Variants in SGK1 observed in about 807,000 individuals in gnomAD.
The protein encoded by SGK1 is serum/glucocorticoid regulated kinase 1, also known as serine/threonine-protein kinase Sgk1.
SGK1 carries 26 observed loss-of-function variants against 64.2 expected under a neutral mutation model. The ratio of observed to expected loss-of-function variants is 0.40; its 90% CI spans 0.30 to 0.56. The LOEUF (loss-of-function observed/expected upper bound fraction) is 0.56, where lower values mean the gene tolerates loss of function less well. SGK1 is among the 20% of genes least tolerant of loss of function. The pLI, the probability that SGK1 is intolerant of heterozygous loss-of-function variation, is 0.38. For missense variants in SGK1, 519 were observed against 645.6 expected (o/e 0.80, Z 2.12); for synonymous variants, 265 against 239.7 (o/e 1.11, Z -0.98).
At chr6:134,306,337 T>C (rs13213064) in intron 1 of SGK1, among the ~76,000 whole-genome samples, 48,817 of 151,512 alleles carry the variant, frequency 0.32, 8,047 homozygotes, top group East Asian at 0.55. Flanking sequence ...GCAGAAGAAT[T>C]GCTTGAACCC....
rs554885946 is a variant in SGK1, at chr6:134,175,641, C to T, written c.362-1055G>A. On this transcript the variant is annotated intron_variant, in intron 3 of 13. Coordinates refer to ENST00000367858, the MANE Select transcript of SGK1 (RefSeq NM_001143676.3). ...GGGACTCGAGCCGGGCTCTGGCCAG[C>T]GCGCCCTGCATCTCCCCCATGGGCA... 102 of 1,528,852 alleles carry T rather than the reference C, an allele frequency of 6.7e-5. 1 individual carries two copies. The South Asian group carries it at 1.1e-3, about 16-fold the overall frequency. The allele number at this position is 1,528,852 out of a possible 1,614,324, so 94.7% of individuals were successfully genotyped here.
chr6:134,194,078 T>G (rs1018307750), intron 3 of SGK1, among the ~76,000 whole-genome samples: 1 of 151,634 alleles, frequency 6.6e-6, no homozygotes, highest in Non-Finnish European at 1.5e-5. Flanking sequence ...ATCTTTGGGA[T>G]GTGGGAGGAA....
intron 1 of SGK1, among the ~76,000 whole-genome samples, chr6:134,290,428 C>CAA (rs368273292): frequency 3.8e-5 from 5 of 130,916 alleles, no homozygotes; most frequent in South Asian, 2.4e-4. Flanking sequence ...GATTTTCTGT[C>CAA]AAAAAAAAAA....
At chr6:134,172,833 T>C (rs1775076061) in intron 8 of SGK1, 59 bp from the exon 9 acceptor site, 8 of 1,341,820 alleles carry the variant, frequency 6.0e-6, no homozygotes, top group Non-Finnish European at 8.6e-6. Flanking sequence ...AGTTTTGACA[T>C]ACACAGCAAA....
chr6:134,260,838 G>T (rs796593962), intron 2 of SGK1: 17 of 152,230 alleles, frequency 1.1e-4, no homozygotes, highest in African/African-American at 4.1e-4. Flanking sequence ...AATAAAAAAG[G>T]TGAGCGGTTA....
intron 1 of SGK1, among the ~76,000 whole-genome samples, chr6:134,311,510 G>C (rs996791949): frequency 3.3e-5 from 5 of 152,088 alleles, no homozygotes; most frequent in Non-Finnish European, 7.4e-5. Context: ...AATTAGCTGT[G>C]CATGGTGGTG....
chr6:134,193,123 A>G (rs1310624631), intron 3 of SGK1, among the ~76,000 whole-genome samples: 1 of 152,234 alleles, frequency 6.6e-6, no homozygotes, highest in Non-Finnish European at 1.5e-5. Context: ...ATAAGCTGAT[A>G]TCATGTCTTA....
intron 2 of SGK1, chr6:134,260,438 G>A (rs905626518): frequency 7.3e-6 from 1 of 137,334 alleles, no homozygotes; most frequent in Non-Finnish European, 1.5e-5. Flanking sequence ...TTGGAAAGCC[G>A]ACGCAGGTGG....
intron 1 of SGK1, among the ~76,000 whole-genome samples, chr6:134,265,617 TACATATATATATATACA>T (rs1462277079): frequency 2.1e-4 from 28 of 132,928 alleles, no homozygotes; most frequent in African/African-American, 8.3e-4. Flanking sequence ...TTTATATATA[TACATATATATATATACA>T]TATATATATA....
chr6:134,205,170 A>G (rs1219013140), intron 3 of SGK1, among the ~76,000 whole-genome samples: 1 of 152,118 alleles, frequency 6.6e-6, no homozygotes, highest in Non-Finnish European at 1.5e-5. Flanking sequence ...ATCAAGAATC[A>G]TTTATGTTCC....
intron 4 of SGK1, 63 bp downstream of exon 4, chr6:134,174,448 G>A (rs2114639734): frequency 1.6e-6 from 2 of 1,222,836 alleles, no homozygotes; most frequent in Admixed American, 1.8e-5. Flanking sequence ...GCCGTGATGA[G>A]AATGTTTACC....
intron 3 of SGK1, among the ~76,000 whole-genome samples, chr6:134,187,105 C>T (rs375257016): frequency 1.1e-4 from 17 of 152,216 alleles, no homozygotes; most frequent in African/African-American, 3.4e-4. Context: ...TGTGAGCCAC[C>T]GTTCCTGGCA....
At chr6:134,207,103 A>G (rs1039263770) in intron 3 of SGK1, among the ~76,000 whole-genome samples, 6 of 151,298 alleles carry the variant, frequency 4.0e-5, no homozygotes, top group South Asian at 2.1e-4. Flanking sequence ...GCGGGCGCCT[A>G]CAGTCCCAGC....
chr6:134,236,354 A>G (rs1399173057), intron 2 of SGK1, among the ~76,000 whole-genome samples: 1 of 152,116 alleles, frequency 6.6e-6, no homozygotes, highest in Non-Finnish European at 1.5e-5. Flanking sequence ...ACATTAAGGG[A>G]GGCTGGTAGA....
At chr6:134,222,210 TC>T (rs1411198785) in intron 2 of SGK1, among the ~76,000 whole-genome samples, 12 of 152,140 alleles carry the variant, frequency 7.9e-5, no homozygotes, top group Non-Finnish European at 1.5e-4. Flanking sequence ...AAGAAGCTAT[TC>T]CCAACCTAGC....
intron 2 of SGK1, among the ~76,000 whole-genome samples, chr6:134,222,645 A>T (rs1401869769): frequency 6.6e-6 from 1 of 152,056 alleles, no homozygotes; most frequent in Non-Finnish European, 1.5e-5. Flanking sequence ...TTTAGAAAAA[A>T]TTTCTAATGA....
chr6:134,294,673 T>G (rs1443296779), intron 1 of SGK1, among the ~76,000 whole-genome samples: 2 of 152,138 alleles, frequency 1.3e-5, no homozygotes, highest in African/African-American at 4.8e-5. Context: ...TAGCTGGGAT[T>G]ACAGATGTGC....
At chr6:134,265,562 TAC>T (rs1160607923) in intron 1 of SGK1, among the ~76,000 whole-genome samples, 1 of 147,038 alleles carries the variant, frequency 6.8e-6, no homozygotes, top group Non-Finnish European at 1.5e-5. Flanking sequence ...TTTATATATA[TAC>T]ATATATATTT....
intron 1 of SGK1, among the ~76,000 whole-genome samples, chr6:134,280,753 C>A: frequency 6.6e-6 from 1 of 152,134 alleles, no homozygotes; most frequent in East Asian, 1.9e-4. Context: ...GTGCCTGTCA[C>A]CCTGCGAGGT....
Sources: gnomAD v4.1 joint callset for allele counts (sites outside exome capture counted in the v4.1 genomes callset) on GRCh38, gnomAD v4.1.1 for gene constraint, MANE v1.5 for transcripts, NCBI Gene and HGNC (gene_info 2026-07-23, HGNC 2026-07-21) for gene names.